ZNF148: variants seen among roughly 807,000 people sequenced by gnomAD.
The protein encoded by ZNF148 is zinc finger protein 148, also known as Beta-Enolase Repressor Factor-1.
ZNF148 carries 7 observed loss-of-function variants against 67.7 expected under a neutral mutation model. The ratio of observed to expected loss-of-function variants is 0.10; its 90% CI spans 0.06 to 0.19. The LOEUF is 0.19. Among genes scored for constraint, ZNF148 ranks in the 10% least tolerant of loss-of-function variants. The probability of loss-of-function intolerance (pLI) is 1.00; values close to 1 mark genes in which losing one functional copy is unlikely to be tolerated. For missense variants in ZNF148, 583 were observed against 947.1 expected, an observed-to-expected ratio of 0.62 and a Z score of 5.05; for synonymous variants, 333 against 330.7, an observed-to-expected ratio of 1.01 and a Z score of -0.08.
At chr3:125,303,962 G>A (rs1939736408) in intron 4 of ZNF148, among the ~76,000 whole-genome samples, 1 of 152,110 alleles carries the variant, frequency 6.6e-6, no homozygotes, top group South Asian at 2.1e-4. Context: ...GAAATTGGAT[G>A]AGGGATGGAG....
chr3:125,322,055 A>C (rs376198383), intron 3 of ZNF148, among the ~76,000 whole-genome samples: 9 of 111,182 alleles, frequency 8.1e-5, no homozygotes, highest in African/African-American at 3.2e-4. Context: ...TTTTTGAGAG[A>C]GAGTCTCGCT....
At chr3:125,275,139 G>A (rs1162212286) in intron 7 of ZNF148, among the ~76,000 whole-genome samples, 1 of 152,196 alleles carries the variant, frequency 6.6e-6, no homozygotes, top group Non-Finnish European at 1.5e-5. Context: ...ACGAAGTAAA[G>A]AAGGGAAAAC....
intron 3 of ZNF148, among the ~76,000 whole-genome samples, chr3:125,321,780 T>C (rs1283634164): frequency 6.6e-6 from 1 of 152,108 alleles, no homozygotes; most frequent in African/African-American, 2.4e-5. Context: ...CAAACATTAA[T>C]ATTCAAACTA....
chr3:125,349,490 A>C (rs1054222538), intron 1 of ZNF148, among the ~76,000 whole-genome samples: 9 of 152,226 alleles, frequency 5.9e-5, no homozygotes, highest in Non-Finnish European at 1.2e-4. Context: ...GCTCACCATC[A>C]GTAATCATCA....
At chr3:125,247,133 T>C (rs1936636727) in intron 7 of ZNF148, among the ~76,000 whole-genome samples, 1 of 152,220 alleles carries the variant, frequency 6.6e-6, no homozygotes, top group African/African-American at 2.4e-5. Context: ...AATTAATTTT[T>C]CTGGGTATCA....
chr3:125,327,318 AAT>A (rs1376041504), intron 2 of ZNF148, among the ~76,000 whole-genome samples: 5 of 150,200 alleles, frequency 3.3e-5, no homozygotes, highest in African/African-American at 5.1e-5. Context: ...TCCCACTCTA[AAT>A]AAGTGACAGA....
At chr3:125,342,988 T>C (rs993551136) in intron 1 of ZNF148, among the ~76,000 whole-genome samples, 1 of 152,196 alleles carries the variant, frequency 6.6e-6, no homozygotes. Context: ...TAAGTCAAGA[T>C]GGAATCCTAA....
intron 7 of ZNF148, among the ~76,000 whole-genome samples, chr3:125,237,794 G>A (rs546546846): frequency 2.6e-5 from 4 of 152,088 alleles, no homozygotes; most frequent in African/African-American, 7.2e-5. Flanking sequence ...AGAAATTGAC[G>A]AACTAATCTT....
Position 125,313,446 on chromosome 3 carries a change from T to C in ZNF148, c.195A>G (p.Gln65=). 1 of 1,614,172 alleles carries C rather than the reference T, an allele frequency of 6.2e-7. No individual in the cohort carries two copies. The highest frequency in any genetic ancestry group is 2.2e-5 in the East Asian group (1 of 44,866). ...QEILAADEVL[Q]ESEMRQQDMI... ...TATCCTGTTGTCTCATTTCACTTTCTTGTAACACTTCATCTGCAGCAAGGA... is the reference window on the plus strand; with the variant it reads ...TATCCTGTTGTCTCATTTCACTTTCCTGTAACACTTCATCTGCAGCAAGGA... Residue 65 remains glutamine (Q), a synonymous_variant, in exon 4 of 9, where the codon CAA becomes CAG. Transcript: ENST00000360647.
At chr3:125,288,930 A>G (rs116354849) in intron 4 of ZNF148, among the ~76,000 whole-genome samples, 94 of 152,288 alleles carry the variant, frequency 6.2e-4, no homozygotes, top group African/African-American at 2.2e-3. Flanking sequence ...AGATTTCAAC[A>G]ATGTTCTTCA....
chr3:125,374,489 A>G (rs1360634407), intron 1 of ZNF148, among the ~76,000 whole-genome samples: 1 of 151,918 alleles, frequency 6.6e-6, no homozygotes, highest in African/African-American at 2.4e-5. Flanking sequence ...TACCTAACGT[A>G]TCTGCACAAT....
chr3:125,292,446 T>C (rs1939067842), intron 4 of ZNF148: 1 of 152,174 alleles, frequency 6.6e-6, no homozygotes, highest in Non-Finnish European at 1.5e-5. Context: ...GATGAACTGA[T>C]CAAATCAAGT....
In ZNF148 at chr3:125,262,815, C is replaced by T. The variant is rs963066094; in HGVS notation, c.667+14911G>A. ...ATGGAACACTGATAATGGTTAAGCC[C>T]ACCAGAGCAAATGAAGTTCACTATT... is the stretch of plus-strand genomic sequence containing the variant. On this transcript the variant is annotated intron_variant, in intron 7 of 8. Transcript: ENST00000360647. Among the ~76,000 whole-genome samples, 8 of 152,248 alleles carry T rather than the reference C, an allele frequency of 5.3e-5. 1 individual carries two copies. The East Asian group carries it at 7.7e-4, about 15-fold the overall frequency.
intron 1 of ZNF148, among the ~76,000 whole-genome samples, chr3:125,350,174 T>TTG (rs1942090046): frequency 6.6e-6 from 1 of 152,164 alleles, no homozygotes; most frequent in Non-Finnish European, 1.5e-5. Flanking sequence ...TTGTTTTGTT[T>TTG]TTTGAGACAG....
intron 4 of ZNF148, among the ~76,000 whole-genome samples, chr3:125,289,395 A>G (rs561220854): frequency 2.0e-5 from 3 of 152,332 alleles, no homozygotes; most frequent in African/African-American, 7.2e-5. Context: ...GAGAATCACA[A>G]ATCAAGAACC....
chr3:125,286,435 C>G (rs1938660793), intron 5 of ZNF148, among the ~76,000 whole-genome samples: 1 of 152,150 alleles, frequency 6.6e-6, no homozygotes, highest in Admixed American at 6.6e-5. Flanking sequence ...ACAGATACAC[C>G]TCAGGTCCAC....
At chr3:125,306,395 A>G (rs1425393422) in intron 4 of ZNF148, among the ~76,000 whole-genome samples, 4 of 152,132 alleles carry the variant, frequency 2.6e-5, no homozygotes, top group African/African-American at 9.6e-5. Context: ...ATCTCTACCC[A>G]GTCTAATTAA....
At chr3:125,342,283 A>G (rs985014510) in intron 1 of ZNF148, among the ~76,000 whole-genome samples, 23 of 152,098 alleles carry the variant, frequency 1.5e-4, no homozygotes, top group African/African-American at 5.3e-4. Flanking sequence ...GCAAATACAA[A>G]GAGGATAAGC....
chr3:125,322,268 CACCAGCCTCAGCCT>C (rs1442283117), intron 3 of ZNF148, among the ~76,000 whole-genome samples: 1 of 151,866 alleles, frequency 6.6e-6, no homozygotes, highest in Admixed American at 6.6e-5. Flanking sequence ...CTTCGTGATC[CACCAGCCTCAGCCT>C]GCCAGCCTGC....
Sources: gnomAD v4.1 joint callset for allele counts (sites outside exome capture counted in the v4.1 genomes callset) on GRCh38, gnomAD v4.1.1 for gene constraint, MANE v1.5 for transcripts, NCBI Gene and HGNC (gene_info 2026-07-23, HGNC 2026-07-21) for gene names.